Variants in TSEN54 observed in about 807,000 individuals in gnomAD.
The protein encoded by TSEN54 is tRNA-splicing endonuclease subunit Sen54.
Under a neutral mutation model 61.9 loss-of-function variants are expected in TSEN54, and 55 were observed. The observed-to-expected ratio is 0.89, with a 90% CI of 0.72 to 1.11. The LOEUF (loss-of-function observed/expected upper bound fraction) is 1.11, where lower values mean the gene tolerates loss of function less well. TSEN54 is among the 50% of genes most tolerant of loss of function. The probability of loss-of-function intolerance (pLI) is 0.00; values close to 1 mark genes in which losing one functional copy is unlikely to be tolerated. For missense variants in TSEN54, 760 were observed against 687.7 expected, an observed-to-expected ratio of 1.11 and a Z score of -1.18; for synonymous variants, 304 against 288.7, an observed-to-expected ratio of 1.05 and a Z score of -0.54.
Position 75,517,933 on chromosome 17 carries a change from A to G in TSEN54, c.468+278A>G, listed in dbSNP as rs56311450. ...CTTGTCGCAGGTTGGGGGTGGGTAG[A>G]GTTGCAGTGAGTGAAAAATAGATGA... On this transcript the variant is annotated intron_variant, in intron 5 of 10. Coordinates refer to ENST00000333213, the MANE Select transcript of TSEN54 (RefSeq NM_207346.3). Among the ~76,000 whole-genome samples the G allele has an allele frequency of 0.18, 27,348 of 152,096 alleles. 3,120 individuals carry two copies. Among genetic ancestry groups the G allele is most frequent in the African/African-American group, 0.32 (13,222 of 41,430 alleles).
chr17:75,523,474 C>T, intron 9 of TSEN54, 139 bp downstream of exon 9: 2 of 1,597,770 alleles, frequency 1.3e-6, no homozygotes, highest in Non-Finnish European at 1.7e-6. Context: ...TGAGCAATAA[C>T]TAGTGTTCGT....
rs1195000435 is a variant in TSEN54 at position 75,517,561 on chromosome 17, C to T, written c.374C>T (p.Ser125Phe). ...AGCTGTTGGCCCCACTTCCAGGGCTCCATCCACCTCTTCCACCAAGACCTG... is the reference window on the plus strand; with the variant it reads ...AGCTGTTGGCCCCACTTCCAGGGCTTCATCCACCTCTTCCACCAAGACCTG... ...EEALYLLECG[S>F]IHLFHQDLPL... The change falls in exon 5 of 11, where the codon TCC (serine) becomes TTC (phenylalanine). Residue 125 changes from serine (S) to phenylalanine (F), a missense_variant. Physicochemically the swap from Ser to Phe is radical, Grantham distance 155. Transcript: ENST00000333213. 5.0e-6 allele frequency: 8 copies of T among 1,613,626 alleles called. No individual in the cohort carries two copies. In the South Asian group the frequency reaches 8.8e-5, roughly 18 times the overall value.
chr17:75,517,677 C>T, intron 5 of TSEN54, 22 bp downstream of exon 5: 1 of 1,584,756 alleles, frequency 6.3e-7, no homozygotes, highest in Non-Finnish European at 8.7e-7. Flanking sequence ...CACCCCGCCT[C>T]CGGGAGCCAC....
chr17:75,517,741 T>A, intron 5 of TSEN54, 86 bp downstream of exon 5: 1 of 1,179,670 alleles, frequency 8.5e-7, no homozygotes, highest in Middle Eastern at 2.0e-4. Flanking sequence ...CCAGGCACAG[T>A]GTCACATGCT....
rs1357445766 is a variant in TSEN54, at chr17:75,519,052, ATCCCCTTCCTGT to A, written c.521+15_521+26del. ...GGTTCGACGATTCCAACCAAGGTAA[ATCCCCTTCCTGT>A]TCCCCTTCCATATATTCTAGTCCTG... is the stretch of plus-strand genomic sequence containing the variant. On this transcript the variant is annotated splice_donor_region_variant and intron_variant, in intron 6 of 10. Coordinates refer to ENST00000333213, the MANE Select transcript of TSEN54 (RefSeq NM_207346.3). 4 of 1,613,962 alleles carry A rather than the reference ATCCCCTTCCTGT, an allele frequency of 2.5e-6. No homozygotes were observed. The highest frequency in any genetic ancestry group is 3.4e-6 in the Non-Finnish European group (4 of 1,179,972).
At chr17:75,520,765 C>A (rs2053419222) in intron 6 of TSEN54, among the ~76,000 whole-genome samples, 1 of 151,830 alleles carries the variant, frequency 6.6e-6, no homozygotes, top group Non-Finnish European at 1.5e-5. Flanking sequence ...ACCATCCCGG[C>A]CAGCATGGTG....
chr17:75,517,334 C>T, intron 4 of TSEN54, 90 bp downstream of exon 4: 1 of 1,443,718 alleles, frequency 6.9e-7, no homozygotes, highest in Non-Finnish European at 9.5e-7. Flanking sequence ...ACAACCCGGT[C>T]TTTAGAGAAC....
chr17:75,520,661 T>A (rs1040901426), intron 6 of TSEN54, among the ~76,000 whole-genome samples: 9 of 151,336 alleles, frequency 5.9e-5, no homozygotes, highest in African/African-American at 2.2e-4. Flanking sequence ...AAAGCCTTAA[T>A]TCACAGCCAG....
Position 75,521,839 on chromosome 17 carries a change from G to A in TSEN54, c.758G>A (p.Gly253Asp), listed in dbSNP as rs369801130. The A allele has an allele frequency of 1.2e-5, 19 of 1,612,328 alleles. No individual in the cohort carries two copies. The African/African-American group carries it at 2.4e-4, about 20-fold the overall frequency. The change falls in exon 8 of 11, where the codon GGC becomes GAC. Residue 253 changes from glycine to aspartate, a missense_variant. Coordinates refer to ENST00000333213, the MANE Select transcript of TSEN54 (RefSeq NM_207346.3). ...CCCCAGGAGTCAAGCCCCATGAAGGGCCCAGGGGGCCCCTTTCAGCTTCTG... is the reference window on the plus strand; with the variant it reads ...CCCCAGGAGTCAAGCCCCATGAAGGACCCAGGGGGCCCCTTTCAGCTTCTG... Reference protein sequence around the residue: ...EKPQESSPMKGPGGPFQLLGS... With the variant: ...EKPQESSPMKDPGGPFQLLGS...
intron 5 of TSEN54, 77 bp downstream of exon 5, chr17:75,517,732 C>A: frequency 7.8e-7 from 1 of 1,274,794 alleles, no homozygotes; most frequent in Non-Finnish European, 1.1e-6. Flanking sequence ...CATAAGGTGC[C>A]AGGCACAGTG....
intron 6 of TSEN54, among the ~76,000 whole-genome samples, chr17:75,520,212 T>C (rs2053412937): frequency 2.0e-5 from 3 of 152,210 alleles, no homozygotes; most frequent in Admixed American, 2.0e-4. Flanking sequence ...TGATGTCTAA[T>C]ACATGGGGCT....
In TSEN54 at chr17:75,523,296, C is replaced by G. The variant is rs758443249; in HGVS notation, c.1274C>G (p.Ser425Cys). 6.2e-7 allele frequency: 1 copy of G among 1,614,168 alleles called. No homozygotes were observed. The highest frequency in any genetic ancestry group is 2.2e-5 in the East Asian group (1 of 44,888). ...SSPAVVLQHI[S>C]VLQTTHLPDG... ...GTAGCCGTGGTCCTTCAGCATATCT[C>G]TGTGCTGCAGACAACACACCTTCCT... The change falls in exon 9 of 11, where the codon TCT becomes TGT. Residue 425 changes from serine to cysteine, a missense_variant. Physicochemically the swap from Ser to Cys is moderately radical, Grantham distance 112. Coordinates refer to ENST00000333213, the MANE Select transcript of TSEN54 (RefSeq NM_207346.3).
At chr17:75,523,585 G>A in intron 9 of TSEN54, 78 bp from the exon 10 acceptor site, 9 of 1,613,854 alleles carry the variant, frequency 5.6e-6, no homozygotes, top group Non-Finnish European at 7.6e-6. Flanking sequence ...CCTGGAACTG[G>A]TGGAGGGAAA....
chr17:75,518,936 A>C (rs2053400508), intron 5 of TSEN54, 59 bp from the exon 6 acceptor site: 2 of 1,607,978 alleles, frequency 1.2e-6, no homozygotes, highest in Admixed American at 3.3e-5. Context: ...GTCTGGAGAA[A>C]CCATTTGGTG....
At chr17:75,519,129 C>T (rs1365045813) in intron 6 of TSEN54, 82 bp downstream of exon 6, 4 of 1,513,574 alleles carry the variant, frequency 2.6e-6, no homozygotes, top group Non-Finnish European at 3.7e-6. Context: ...ATGGCCTCTC[C>T]TTACCTGGAA....
intron 8 of TSEN54, 147 bp from the exon 9 acceptor site, chr17:75,523,128 A>T: frequency 9.7e-7 from 1 of 1,026,942 alleles, no homozygotes. Context: ...ACAGTGAGCC[A>T]AGATCACGCC....
At chr17:75,522,897 T>C in intron 8 of TSEN54, 1 of 307,052 alleles carries the variant, frequency 3.3e-6, no homozygotes, top group Non-Finnish European at 6.3e-6. Context: ...AAAATGTTGC[T>C]AGGCTGGACA....
In TSEN54 at chr17:75,522,161, G is replaced by A. The variant is rs958076524; in HGVS notation, c.1080G>A (p.Ala360=). 5 of 1,554,402 alleles carry A rather than the reference G, an allele frequency of 3.2e-6. No homozygotes were observed. Among genetic ancestry groups the A allele is most frequent in the Admixed American group, 3.8e-5 (2 of 52,784 alleles). Reference sequence around the variant, plus strand: ...AACGGGAGCACCACGCGGAGGCCGCGCAGTTCCAGGAAGATGTCAACGCCG... The same window carrying A: ...AACGGGAGCACCACGCGGAGGCCGCACAGTTCCAGGAAGATGTCAACGCCG... ...RREREHHAEA[A]QFQEDVNADP... The change falls in exon 8 of 11, where the codon GCG becomes GCA. Residue 360 remains alanine (A), a synonymous_variant. Coordinates refer to ENST00000333213, the MANE Select transcript of TSEN54 (RefSeq NM_207346.3).
chr17:75,519,711 T>C (rs1465141833), intron 6 of TSEN54, among the ~76,000 whole-genome samples: 1 of 151,974 alleles, frequency 6.6e-6, no homozygotes, highest in Non-Finnish European at 1.5e-5. Flanking sequence ...TACAGGCGTG[T>C]GCCACCATGC....
Sources: allele counts gnomAD v4.1 joint callset (sites outside exome capture counted in the v4.1 genomes callset), GRCh38; gene constraint gnomAD v4.1.1; transcripts MANE v1.5; gene names NCBI Gene and HGNC (gene_info 2026-07-23, HGNC 2026-07-21).